TRIM67: variants seen among roughly 807,000 people sequenced by gnomAD.
TRIM67 encodes tripartite motif-containing protein 67.
A neutral mutation model predicts 71.0 loss-of-function variants in TRIM67; 39 were observed. The ratio of observed to expected loss-of-function variants is 0.55; its 90% CI spans 0.43 to 0.72. TRIM67 has a LOEUF of 0.72. Ranked by LOEUF, TRIM67 falls within the 30% of genes least tolerant of loss-of-function variation. TRIM67 has a pLI of 0.00. For missense variants in TRIM67, 973 were observed against 1,079.2 expected (o/e 0.90, Z 1.38); for synonymous variants, 481 against 473.9 (o/e 1.01, Z -0.19).
intron 1 of TRIM67, among the ~76,000 whole-genome samples, chr1:231,192,401 A>AGC (rs1683254968): frequency 6.6e-6 from 1 of 152,016 alleles, no homozygotes; most frequent in Non-Finnish European, 1.5e-5. Context: ...GCTGGTCTCA[A>AGC]ACTCCTGGGT....
At chr1:231,180,957 T>TTTG (rs1682888012) in intron 1 of TRIM67, among the ~76,000 whole-genome samples, 16 of 94,946 alleles carry the variant, frequency 1.7e-4, no homozygotes, top group African/African-American at 4.4e-4. Context: ...GAGAAGGTTT[T>TTTG]TTTGTTTGTT....
At chr1:231,197,582 T>C (rs1044994045) in intron 2 of TRIM67, 116 bp downstream of exon 2, 29 of 888,256 alleles carry the variant, frequency 3.3e-5, no homozygotes, top group Non-Finnish European at 4.9e-5. Flanking sequence ...TCCCAACACT[T>C]TGGGAGGCCG....
At chr1:231,170,404 T>C (rs1290263471) in intron 1 of TRIM67, among the ~76,000 whole-genome samples, 1 of 152,236 alleles carries the variant, frequency 6.6e-6, no homozygotes, top group African/African-American at 2.4e-5. Context: ...TTGAAGACTA[T>C]TTATATAGAG....
chr1:231,209,519 T>TGCTGGGA lies in TRIM67; in HGVS notation c.2123+270_2123+276dup, dbSNP rs1410672668. ...CCCAGCGGGCCACACGGTGGTCCTC[T>TGCTGGGA]GCTGGGATATGGAGCTCGTAGTTTT... On this transcript the variant is annotated intron_variant, in intron 8 of 9. Coordinates refer to ENST00000366653, the MANE Select transcript of TRIM67 (RefSeq NM_001004342.5). This position sits in a 1 kb window ranked among gnomAD's most constrained non-coding sequence, Gnocchi z 4.1. 6.6e-6 allele frequency among the ~76,000 whole-genome samples: 1 copy of TGCTGGGA among 152,246 alleles called. No homozygotes were observed. Among genetic ancestry groups the TGCTGGGA allele is most frequent in the Non-Finnish European group, 1.5e-5 (1 of 68,044 alleles).
chr1:231,211,449 G>A (rs555738720), intron 8 of TRIM67, among the ~76,000 whole-genome samples: 1 of 152,188 alleles, frequency 6.6e-6, no homozygotes, highest in Non-Finnish European at 1.5e-5. Flanking sequence ...GGGGCCTGAG[G>A]CTTTGCTTAG....
chr1:231,198,543 C>T (rs189370554), intron 2 of TRIM67, among the ~76,000 whole-genome samples: 1 of 152,304 alleles, frequency 6.6e-6, no homozygotes, highest in Admixed American at 6.5e-5. Context: ...TGTGCCCCTA[C>T]ACCCAGCTAA....
intron 1 of TRIM67, among the ~76,000 whole-genome samples, chr1:231,188,552 G>A (rs999425214): frequency 6.6e-5 from 10 of 152,164 alleles, no homozygotes; most frequent in Admixed American, 2.6e-4. Flanking sequence ...CTCCTTCCAC[G>A]TTGGTTGAAC....
intron 1 of TRIM67, among the ~76,000 whole-genome samples, chr1:231,168,272 C>G (rs762240146): frequency 4.5e-4 from 69 of 152,236 alleles, no homozygotes; most frequent in Non-Finnish European, 8.2e-4. Flanking sequence ...CTGCACCTGA[C>G]CAACGTATAT....
chr1:231,216,401 G>A lies in TRIM67; in HGVS notation c.*961G>A, dbSNP rs112805329. On this transcript the variant is annotated 3_prime_UTR_variant, in exon 10 of 10. Coordinates refer to ENST00000366653, the MANE Select transcript of TRIM67 (RefSeq NM_001004342.5). ...TTTAACAACTATGTCATAGGTCTTCGCCTGGTGATGGCTCCTTTCTGAAAC... is the reference window on the plus strand; with the variant it reads ...TTTAACAACTATGTCATAGGTCTTCACCTGGTGATGGCTCCTTTCTGAAAC... The A allele has an allele frequency of 1.0e-4, 102 of 985,418 alleles. No homozygotes were observed. Among genetic ancestry groups the A allele is most frequent in the Middle Eastern group, 5.2e-4 (1 of 1,914 alleles). 61.0% of individuals were successfully genotyped at this position (985,418 alleles called of 1,614,324 possible).
chr1:231,201,557 C>T (rs1456719255), intron 5 of TRIM67, 40 bp downstream of exon 5: 3 of 1,598,518 alleles, frequency 1.9e-6, no homozygotes, highest in African/African-American at 2.7e-5. Flanking sequence ...GTGCTTCTTT[C>T]AAAAGAGGCA....
At chr1:231,203,821 C>T in intron 5 of TRIM67, 46 bp from the exon 6 acceptor site, 1 of 1,585,554 alleles carries the variant, frequency 6.3e-7, no homozygotes, top group Non-Finnish European at 8.6e-7. Flanking sequence ...CGGGCTGGGG[C>T]CCTCGGAGGG....
At chr1:231,166,346 A>T (rs1248169375) in intron 1 of TRIM67, among the ~76,000 whole-genome samples, 2 of 152,230 alleles carry the variant, frequency 1.3e-5, no homozygotes, top group African/African-American at 4.8e-5. Context: ...TGAGCATTTC[A>T]CCTGGGGGCT....
At chr1:231,214,650 G>T (rs950792568) in intron 9 of TRIM67, among the ~76,000 whole-genome samples, 1 of 151,846 alleles carries the variant, frequency 6.6e-6, no homozygotes, top group African/African-American at 2.4e-5. Context: ...ATGGTAGCGG[G>T]TGCCTGTAGT....
chr1:231,167,959 C>CT lies in TRIM67; in HGVS notation c.1044+3958dup, dbSNP rs113706062. Among the ~76,000 whole-genome samples the CT allele has an allele frequency of 2.2e-3, 328 of 145,954 alleles. 4 individuals are homozygous for CT. The highest frequency in any genetic ancestry group is 0.02 in the East Asian group (103 of 5,036). ...TAAAAATATTTTAATATTTGTAATT[C>CT]TTTTTTTTTTTTAATATTTTGAGAC... On this transcript the variant is annotated intron_variant, in intron 1 of 9. Coordinates refer to ENST00000366653, the MANE Select transcript of TRIM67 (RefSeq NM_001004342.5).
intron 2 of TRIM67, 95 bp downstream of exon 2, chr1:231,197,561 C>A: frequency 8.5e-7 from 1 of 1,172,530 alleles, no homozygotes; most frequent in South Asian, 1.3e-5. Context: ...CACGGTGGCT[C>A]ACACCTGTAA....
intron 6 of TRIM67, among the ~76,000 whole-genome samples, chr1:231,206,112 T>C (rs1040587463): frequency 6.6e-6 from 1 of 152,104 alleles, no homozygotes; most frequent in Non-Finnish European, 1.5e-5. Flanking sequence ...TTTTAATAAC[T>C]TCTATTTGGT....
intron 1 of TRIM67, among the ~76,000 whole-genome samples, chr1:231,182,982 T>C (rs915138538): frequency 1.2e-4 from 19 of 152,196 alleles, no homozygotes; most frequent in African/African-American, 4.6e-4. Context: ...CTCTGACATA[T>C]CAATCCTGGC....
intron 7 of TRIM67, 148 bp from the exon 8 acceptor site, chr1:231,208,799 C>T (rs746117287): frequency 4.4e-5 from 30 of 684,914 alleles, no homozygotes; most frequent in South Asian, 1.2e-4. Flanking sequence ...TGTGTGTGCA[C>T]GTGTGTGGTA....
At position 231,200,243 on chromosome 1, in the gene TRIM67, C is replaced by T; in HGVS notation, c.1359C>T (p.Pro453=). Residue 453 remains proline, a synonymous_variant, in exon 4 of 10, where the codon CCC becomes CCT. Transcript: ENST00000366653. ...YCLEVIKEND[P]SGFLQISDAL... ...TGGAGGTGATCAAGGAGAACGACCC[C>T]TCCGGGTTCTTACAGGTGAGCCTGT... is the stretch of plus-strand genomic sequence containing the variant. 1 of 1,612,942 alleles carries T rather than the reference C, an allele frequency of 6.2e-7. No homozygotes were observed. The highest frequency in any genetic ancestry group is 1.1e-5 in the South Asian group (1 of 91,040).
Sources: gnomAD v4.1 joint callset for allele counts (sites outside exome capture counted in the v4.1 genomes callset) on GRCh38, gnomAD v4.1.1 for gene constraint, Gnocchi (gnomAD v3.1) non-coding constraint, MANE v1.5 for transcripts, NCBI Gene and HGNC (gene_info 2026-07-23, HGNC 2026-07-21) for gene names.